The following ZNF521 variants were observed in gnomAD, a reference collection of about 807,000 sequenced individuals.
The protein encoded by ZNF521 is LYST-interacting protein 3.
ZNF521 carries 14 observed loss-of-function variants against 105.5 expected under a neutral mutation model. The observed-to-expected ratio is 0.13, with a 90% CI of 0.09 to 0.21. The LOEUF is 0.21. Among genes scored for constraint, ZNF521 ranks in the 10% least tolerant of loss-of-function variants. The probability of loss-of-function intolerance (pLI) is 1.00; values close to 1 mark genes in which losing one functional copy is unlikely to be tolerated. For missense variants in ZNF521, 1,233 were observed against 1,629.7 expected, an observed-to-expected ratio of 0.76 and a Z score of 4.19; for synonymous variants, 635 against 606.0, an observed-to-expected ratio of 1.05 and a Z score of -0.70.
intron 5 of ZNF521, among the ~76,000 whole-genome samples, chr18:25,134,733 C>G (rs563520231): frequency 1.3e-5 from 2 of 152,244 alleles, no homozygotes; most frequent in African/African-American, 4.8e-5. Context: ...TTTGGCCAGC[C>G]TCCTCCCCTG....
chr18:25,121,817 C>T (rs2144352348), intron 5 of ZNF521, among the ~76,000 whole-genome samples: 1 of 152,218 alleles, frequency 6.6e-6, no homozygotes, highest in South Asian at 2.1e-4. Context: ...CAAACTATTA[C>T]AAACTTAACT....
At chr18:25,279,361 G>T (rs1433996678) in intron 3 of ZNF521, among the ~76,000 whole-genome samples, 4 of 152,208 alleles carry the variant, frequency 2.6e-5, no homozygotes, top group African/African-American at 7.2e-5. Context: ...ACAGTGGTTT[G>T]TGTGTAAACG....
intron 3 of ZNF521, among the ~76,000 whole-genome samples, chr18:25,290,637 G>A (rs1910963694): frequency 1.4e-5 from 2 of 140,764 alleles, no homozygotes; most frequent in South Asian, 4.5e-4. Flanking sequence ...TTGAGACGGA[G>A]TCTCACTTTG....
chr18:25,165,119 G>C (rs1381896289), intron 5 of ZNF521, among the ~76,000 whole-genome samples: 2 of 152,168 alleles, frequency 1.3e-5, no homozygotes, highest in Non-Finnish European at 2.9e-5. Flanking sequence ...TGTATTCTAT[G>C]CTTCTTTTCT....
chr18:25,195,049 G>T, intron 5 of ZNF521, 111 bp downstream of exon 5: 1 of 874,182 alleles, frequency 1.1e-6, no homozygotes. Flanking sequence ...CAATCATGCC[G>T]AGGAAAAACA....
intron 7 of ZNF521, among the ~76,000 whole-genome samples, chr18:25,083,392 T>A (rs925973078): frequency 2.6e-5 from 4 of 152,184 alleles, no homozygotes; most frequent in African/African-American, 9.7e-5. Context: ...GAGGTAGAGA[T>A]TTTGTTTTCA....
chr18:25,253,749 A>G (rs547026601), intron 3 of ZNF521, among the ~76,000 whole-genome samples: 6 of 152,192 alleles, frequency 3.9e-5, no homozygotes, highest in Non-Finnish European at 8.8e-5. Flanking sequence ...ATCAGCATGT[A>G]ATTTGCTCAG....
chr18:25,205,996 T>A (rs184057526), intron 4 of ZNF521, among the ~76,000 whole-genome samples: 40 of 152,146 alleles, frequency 2.6e-4, no homozygotes, highest in Non-Finnish European at 3.5e-4. Flanking sequence ...CATTTTTTTT[T>A]AATTTGTTTG....
chr18:25,268,616 G>C (rs1327508604), intron 3 of ZNF521, among the ~76,000 whole-genome samples: 1 of 152,196 alleles, frequency 6.6e-6, no homozygotes, highest in African/African-American at 2.4e-5. Context: ...GATAGTGGGG[G>C]CCAATATTCA....
At chr18:25,156,634 G>A (rs376299454) in intron 5 of ZNF521, among the ~76,000 whole-genome samples, 2 of 152,032 alleles carry the variant, frequency 1.3e-5, no homozygotes, top group South Asian at 4.1e-4. Context: ...GATGACTGTT[G>A]TAATTTGCAA....
intron 3 of ZNF521, among the ~76,000 whole-genome samples, chr18:25,255,025 T>G (rs1189084749): frequency 6.6e-6 from 1 of 152,186 alleles, no homozygotes; most frequent in African/African-American, 2.4e-5. Flanking sequence ...GCAATTTTAA[T>G]GTATTCCAAA....
At chr18:25,167,152 C>T (rs1567991204) in intron 5 of ZNF521, among the ~76,000 whole-genome samples, 2 of 152,100 alleles carry the variant, frequency 1.3e-5, no homozygotes, top group Non-Finnish European at 2.9e-5. Flanking sequence ...GAAGTGGTCA[C>T]CAAATGGTAA....
chr18:25,283,256 C>T (rs1233564159), intron 3 of ZNF521, among the ~76,000 whole-genome samples: 1 of 152,224 alleles, frequency 6.6e-6, no homozygotes, highest in Non-Finnish European at 1.5e-5. Context: ...AAGAATTTCA[C>T]CTCAGTCACC....
chr18:25,323,173 T>C (rs1156277265), intron 2 of ZNF521, among the ~76,000 whole-genome samples: 1 of 151,998 alleles, frequency 6.6e-6, no homozygotes, highest in East Asian at 1.9e-4. Context: ...TGACTGAATT[T>C]ATGGGTCACT....
At chr18:25,090,563 C>T (rs567936372) in intron 6 of ZNF521, among the ~76,000 whole-genome samples, 5 of 152,268 alleles carry the variant, frequency 3.3e-5, no homozygotes, top group South Asian at 2.1e-4. Context: ...CTTCAAGATA[C>T]GCTAAAACAA....
intron 7 of ZNF521, among the ~76,000 whole-genome samples, chr18:25,087,389 G>C (rs555567650): frequency 6.6e-6 from 1 of 152,316 alleles, no homozygotes; most frequent in Non-Finnish European, 1.5e-5. Flanking sequence ...CGCTGCCACA[G>C]TGCTGAGTTC....
intron 5 of ZNF521, among the ~76,000 whole-genome samples, chr18:25,135,682 T>A (rs186027992): frequency 1.3e-5 from 2 of 152,242 alleles, no homozygotes; most frequent in Admixed American, 1.3e-4. Context: ...TCCTTGTTGA[T>A]GAAGGAATAT....
At chr18:25,347,016 G>A (rs1318619716) in intron 2 of ZNF521, among the ~76,000 whole-genome samples, 16 of 152,108 alleles carry the variant, frequency 1.1e-4, no homozygotes, top group Admixed American at 1.0e-3. Flanking sequence ...AAAATTGTTT[G>A]TTATTAGGTA....
intron 7 of ZNF521, among the ~76,000 whole-genome samples, chr18:25,081,481 C>T (rs2033494429): frequency 6.6e-6 from 1 of 152,134 alleles, no homozygotes; most frequent in African/African-American, 2.4e-5. Flanking sequence ...ACCTCTGTTG[C>T]CCTTACTTCA....
Sources: gnomAD v4.1 joint callset for allele counts (sites outside exome capture counted in the v4.1 genomes callset) on GRCh38, gnomAD v4.1.1 for gene constraint, MANE v1.5 for transcripts, NCBI Gene and HGNC (gene_info 2026-07-23, HGNC 2026-07-21) for gene names.